The following ABI3BP variants were observed in gnomAD, a reference collection of about 807,000 sequenced individuals.
The protein encoded by ABI3BP is ABI family member 3 binding protein.
ABI3BP carries 216 observed loss-of-function variants against 268.6 expected under a neutral mutation model. The ratio of observed to expected loss-of-function variants is 0.80; its 90% CI spans 0.72 to 0.90. ABI3BP has a LOEUF of 0.90. Among genes scored for constraint, ABI3BP ranks in the 40% least tolerant of loss-of-function variants. The probability of loss-of-function intolerance (pLI) is 0.00; values close to 1 mark genes in which losing one functional copy is unlikely to be tolerated. For missense variants in ABI3BP, 2,090 were observed against 2,182.4 expected (o/e 0.96, Z 0.84); for synonymous variants, 730 against 730.0 (o/e 1.00, Z 0.00).
At position 100,835,884 on chromosome 3, in the gene ABI3BP, G is replaced by A. The variant is rs1197861276; in HGVS notation, c.2132-224C>T. On this transcript the variant is annotated intron_variant, in intron 27 of 67. Coordinates refer to ENST00000471714, the MANE Select transcript of ABI3BP (RefSeq NM_001375547.2). ...TAAGGGCAATGAAAAATATTTTTCT[G>A]TATTTCATTATCTGATTCCAACAAC... Among the ~76,000 whole-genome samples, 4 of 152,142 alleles carry A rather than the reference G, an allele frequency of 2.6e-5. No individual in the cohort carries two copies. The East Asian group carries it at 7.7e-4, about 29-fold the overall frequency.
chr3:100,974,225 T>A (rs2085012276), intron 1 of ABI3BP, among the ~76,000 whole-genome samples: 1 of 152,160 alleles, frequency 6.6e-6, no homozygotes, highest in South Asian at 2.1e-4. Flanking sequence ...AAACACTTAA[T>A]ATATGACAAA....
At chr3:100,924,263 T>C (rs1306199703) in intron 2 of ABI3BP, among the ~76,000 whole-genome samples, 2 of 152,140 alleles carry the variant, frequency 1.3e-5, no homozygotes, top group Admixed American at 1.3e-4. Flanking sequence ...CATAATCCAA[T>C]ATATCATATA....
intron 1 of ABI3BP, among the ~76,000 whole-genome samples, chr3:100,955,599 T>G (rs2076550417): frequency 6.6e-6 from 1 of 152,222 alleles, no homozygotes; most frequent in Non-Finnish European, 1.5e-5. Context: ...TGTCTTCTAA[T>G]TAGAATTCTA....
At chr3:100,990,106 C>G (rs2153990548) in intron 1 of ABI3BP, among the ~76,000 whole-genome samples, 1 of 152,332 alleles carries the variant, frequency 6.6e-6, no homozygotes, top group Admixed American at 6.5e-5. Flanking sequence ...TAGAACAACA[C>G]TGCAGTCCTT....
intron 61 of ABI3BP, among the ~76,000 whole-genome samples, chr3:100,773,171 C>T (rs901762161): frequency 2.6e-5 from 4 of 151,480 alleles, no homozygotes; most frequent in East Asian, 1.9e-4. Flanking sequence ...ATTGATACAC[C>T]GAGCTTCATT....
At chr3:100,901,150 A>G (rs573523069) in intron 3 of ABI3BP, among the ~76,000 whole-genome samples, 1 of 152,290 alleles carries the variant, frequency 6.6e-6, no homozygotes, top group East Asian at 1.9e-4. Flanking sequence ...AGTTGTAAGG[A>G]GCGATTGGAA....
At chr3:100,772,580 A>G (rs373177519) in intron 61 of ABI3BP, among the ~76,000 whole-genome samples, 14 of 152,208 alleles carry the variant, frequency 9.2e-5, no homozygotes, top group African/African-American at 2.7e-4. Flanking sequence ...CAAAGCAACC[A>G]TGAAAATAAT....
intron 2 of ABI3BP, chr3:100,914,396 G>A (rs1338571436): frequency 2.2e-6 from 1 of 453,180 alleles, no homozygotes; most frequent in East Asian, 7.0e-5. Context: ...CCCCTGGCAG[G>A]CTGAGCTCAT....
intron 6 of ABI3BP, 74 bp from the exon 7 acceptor site, chr3:100,876,634 C>G: frequency 3.8e-6 from 5 of 1,331,376 alleles, no homozygotes; most frequent in Non-Finnish European, 5.4e-6. Flanking sequence ...GTTCGGAGAA[C>G]TGGAAGTAGC....
intron 47 of ABI3BP, 151 bp downstream of exon 47, chr3:100,811,577 G>T: frequency 2.5e-6 from 2 of 794,714 alleles, no homozygotes; most frequent in Non-Finnish European, 3.9e-6. Context: ...ATCACTTTAA[G>T]AATTCAAGAA....
At chr3:100,830,127 A>G (rs1301218358) in intron 32 of ABI3BP, among the ~76,000 whole-genome samples, 2 of 41,178 alleles carry the variant, frequency 4.9e-5, no homozygotes, top group East Asian at 1.9e-3. Context: ...ATATATATAT[A>G]TATATATATA....
At chr3:100,862,444 A>T (rs2099008772) in intron 13 of ABI3BP, 59 bp from the exon 14 acceptor site, 2 of 1,164,926 alleles carry the variant, frequency 1.7e-6, no homozygotes, top group Non-Finnish European at 2.5e-6. Flanking sequence ...CAGGAGAACG[A>T]GACAGAAATA....
intron 51 of ABI3BP, among the ~76,000 whole-genome samples, chr3:100,801,726 T>C (rs2097542347): frequency 5.9e-5 from 9 of 152,054 alleles, no homozygotes; most frequent in Admixed American, 5.9e-4. Context: ...AGTACATCCT[T>C]AAGGGGAAAA....
At chr3:100,807,026 A>G (rs1503845) in intron 50 of ABI3BP, among the ~76,000 whole-genome samples, 74,336 of 151,670 alleles carry the variant, frequency 0.49, 19,658 homozygotes, top group African/African-American at 0.71. Context: ...ATTCATGCCC[A>G]AGTCTCTTAA....
intron 2 of ABI3BP, among the ~76,000 whole-genome samples, chr3:100,903,840 A>T (rs2051755005): frequency 6.6e-6 from 1 of 152,178 alleles, no homozygotes; most frequent in African/African-American, 2.4e-5. Flanking sequence ...CGCCGAATAA[A>T]GTAACTTAGG....
intron 61 of ABI3BP, among the ~76,000 whole-genome samples, chr3:100,771,757 G>A (rs2096552317): frequency 6.6e-6 from 1 of 152,136 alleles, no homozygotes; most frequent in Non-Finnish European, 1.5e-5. Flanking sequence ...ACATCACTGA[G>A]CTGTGTGGAC....
intron 15 of ABI3BP, among the ~76,000 whole-genome samples, chr3:100,851,197 A>G (rs2098833896): frequency 6.6e-6 from 1 of 152,198 alleles, no homozygotes; most frequent in Non-Finnish European, 1.5e-5. Context: ...TACCCAGTTT[A>G]GTAGGTGTTT....
At position 100,993,353 on chromosome 3, in the gene ABI3BP, C is replaced by T. The variant is rs901739111; in HGVS notation, c.32G>A (p.Cys11Tyr). The change falls in exon 1 of 68, where the codon TGT (cysteine) becomes TAT (tyrosine). Residue 11 changes from cysteine (C) to tyrosine (Y), a missense_variant. By Grantham distance (194) the Cys-to-Tyr change is radical. Coordinates refer to ENST00000471714, the MANE Select transcript of ABI3BP (RefSeq NM_001375547.2). ...TCCCAGGGCTAGTGTAATACTTCCA[C>T]AGAGAAGTAGACACCCCAAACTGGA... MLSSLGCLLL[C>Y]GSITLALGNA... 2.0e-5 allele frequency: 31 copies of T among 1,553,500 alleles called. No homozygotes were observed. In the African/African-American group the frequency reaches 3.7e-4, roughly 19 times the overall value.
intron 7 of ABI3BP, among the ~76,000 whole-genome samples, 156 bp from the exon 8 acceptor site, chr3:100,875,735 T>G (rs1327061881): frequency 6.6e-6 from 1 of 152,182 alleles, no homozygotes; most frequent in Non-Finnish European, 1.5e-5. Flanking sequence ...AACAGAAGGA[T>G]TGGAAGGCAT....
Sources: gnomAD v4.1 joint callset for allele counts (sites outside exome capture counted in the v4.1 genomes callset) on GRCh38, gnomAD v4.1.1 for gene constraint, MANE v1.5 for transcripts, NCBI Gene and HGNC (gene_info 2026-07-23, HGNC 2026-07-21) for gene names.